The following RBFOX1 variants were observed in gnomAD, a reference collection of about 807,000 sequenced individuals.
RBFOX1 encodes the protein RNA binding fox-1 homolog 1.
Under a neutral mutation model 57.7 loss-of-function variants are expected in RBFOX1, and 8 were observed. The observed-to-expected ratio is 0.14, with a 90% CI of 0.08 to 0.25. The LOEUF (loss-of-function observed/expected upper bound fraction) is 0.25. Among genes scored for constraint, RBFOX1 ranks in the 10% least tolerant of loss-of-function variants. The pLI is 1.00. For synonymous variants in RBFOX1, 326 were observed against 222.4 expected (o/e 1.47, Z -4.15); for missense variants, 611 against 548.5 (o/e 1.11, Z -1.14).
At chr16:6,517,099 G>T (rs1031573595) in intron 2 of RBFOX1, among the ~76,000 whole-genome samples, 1 of 152,122 alleles carries the variant, frequency 6.6e-6, no homozygotes, top group Admixed American at 6.5e-5. Flanking sequence ...TGTGACACAG[G>T]ATGACTGGCT....
chr16:7,155,577 C>G (rs1485523602), intron 4 of RBFOX1, among the ~76,000 whole-genome samples: 3 of 139,854 alleles, frequency 2.1e-5, no homozygotes, highest in East Asian at 4.3e-4. Flanking sequence ...GCTTGGGTAA[C>G]AGGGTGAGCA....
chr16:6,446,406 C>A (rs1021976625), intron 2 of RBFOX1, among the ~76,000 whole-genome samples: 1 of 152,138 alleles, frequency 6.6e-6, no homozygotes, highest in Non-Finnish European at 1.5e-5. Flanking sequence ...TAAATCACTT[C>A]ATTGTTTTCG....
At chr16:6,104,290 A>G (rs2096351629) in intron 1 of RBFOX1, among the ~76,000 whole-genome samples, 1 of 152,184 alleles carries the variant, frequency 6.6e-6, no homozygotes, top group South Asian at 2.1e-4. Context: ...TAAGGAGAAT[A>G]TCCTTCATCA....
chr16:6,394,752 C>T (rs1178174540), intron 2 of RBFOX1, among the ~76,000 whole-genome samples: 1 of 151,850 alleles, frequency 6.6e-6, no homozygotes, highest in African/African-American at 2.4e-5. Context: ...AGGTTCTTAG[C>T]CAAATGCTTG....
At chr16:7,519,142 G>A (rs143476163) in intron 5 of RBFOX1, among the ~76,000 whole-genome samples, 21 of 152,228 alleles carry the variant, frequency 1.4e-4, no homozygotes, top group Admixed American at 5.2e-4. Context: ...GATGATTGCC[G>A]GATGCATCTA....
chr16:6,492,694 G>A (rs1345870082), intron 2 of RBFOX1, among the ~76,000 whole-genome samples: 1 of 152,230 alleles, frequency 6.6e-6, no homozygotes, highest in Non-Finnish European at 1.5e-5. Context: ...GCCGCATTGT[G>A]AACAGTCAGA....
At chr16:7,318,660 A>G (rs1028890094) in intron 4 of RBFOX1, among the ~76,000 whole-genome samples, 1 of 152,218 alleles carries the variant, frequency 6.6e-6, no homozygotes, top group Non-Finnish European at 1.5e-5. Context: ...ATAAAGTGTC[A>G]GTGCAGAATA....
chr16:6,410,463 C>T (rs1315252205), intron 2 of RBFOX1, among the ~76,000 whole-genome samples: 30 of 151,794 alleles, frequency 2.0e-4, no homozygotes, highest in Admixed American at 1.9e-3. Context: ...AGGCGCCTGC[C>T]ACAATGCACG....
intron 2 of RBFOX1, among the ~76,000 whole-genome samples, chr16:6,574,940 A>G (rs1369463057): frequency 6.6e-6 from 1 of 150,396 alleles, no homozygotes; most frequent in African/African-American, 2.5e-5. Flanking sequence ...CGGGAGGCTG[A>G]GGGAGGAGAA....
intron 2 of RBFOX1, among the ~76,000 whole-genome samples, chr16:6,459,149 C>A (rs1224065264): frequency 6.6e-6 from 1 of 152,178 alleles, no homozygotes; most frequent in Non-Finnish European, 1.5e-5. Context: ...TCCTGGCTAA[C>A]ACAGTGAAAC....
chr16:5,967,822 C>G (rs2152295253), intron 4 of RBFOX1, among the ~76,000 whole-genome samples: 1 of 152,218 alleles, frequency 6.6e-6, no homozygotes, highest in South Asian at 2.1e-4. Flanking sequence ...GTTTTTACTA[C>G]CATCAATTCG....
At chr16:5,807,030 A>C (rs2055252686) in intron 3 of RBFOX1, among the ~76,000 whole-genome samples, 1 of 152,192 alleles carries the variant, frequency 6.6e-6, no homozygotes, top group Non-Finnish European at 1.5e-5. Flanking sequence ...CACCTCCTCC[A>C]GCAGGCACCA....
At chr16:5,844,511 G>A (rs542485175) in intron 3 of RBFOX1, among the ~76,000 whole-genome samples, 24 of 152,186 alleles carry the variant, frequency 1.6e-4, no homozygotes, top group Non-Finnish European at 2.6e-4. Flanking sequence ...AAGCTCCTGC[G>A]TTCACCTTGG....
At chr16:6,598,654 T>C (rs2097803832) in intron 2 of RBFOX1, among the ~76,000 whole-genome samples, 1 of 152,174 alleles carries the variant, frequency 6.6e-6, no homozygotes, top group Non-Finnish European at 1.5e-5. Context: ...CTTTTAAGAA[T>C]ACGTAGTGGC....
At chr16:5,560,337 C>T (rs1442086968) in intron 2 of RBFOX1, among the ~76,000 whole-genome samples, 2 of 152,124 alleles carry the variant, frequency 1.3e-5, no homozygotes, top group African/African-American at 2.4e-5. Context: ...TTAGTCACCT[C>T]CTCTAGGAAC....
chr16:5,625,539 TTTA>T (rs1411487796), intron 3 of RBFOX1, among the ~76,000 whole-genome samples: 2 of 135,092 alleles, frequency 1.5e-5, no homozygotes, highest in East Asian at 4.0e-4. Flanking sequence ...TTTTTTGTTA[TTTA>T]TTTACTTATT....
At chr16:7,075,366 A>G (rs1242279644) in intron 4 of RBFOX1, among the ~76,000 whole-genome samples, 3 of 152,230 alleles carry the variant, frequency 2.0e-5, no homozygotes, top group African/African-American at 7.2e-5. Context: ...TGGGAAGTCA[A>G]AAACTTTCAG....
chr16:7,490,689 A>G (rs377212479), intron 4 of RBFOX1, among the ~76,000 whole-genome samples: 1 of 152,210 alleles, frequency 6.6e-6, no homozygotes, highest in Non-Finnish European at 1.5e-5. Flanking sequence ...CATAAGTCCA[A>G]GTTCAACTCT....
intron 3 of RBFOX1, among the ~76,000 whole-genome samples, chr16:6,897,411 A>G (rs1395988671): frequency 2.0e-5 from 3 of 151,978 alleles, no homozygotes; most frequent in African/African-American, 7.3e-5. Flanking sequence ...ACACACACAC[A>G]AAAGGAAACA....
Sources: gnomAD v4.1 joint callset for allele counts (sites outside exome capture counted in the v4.1 genomes callset) on GRCh38, gnomAD v4.1.1 for gene constraint, MANE v1.5 for transcripts, NCBI Gene and HGNC (gene_info 2026-07-23, HGNC 2026-07-21) for gene names.